The following SPAG16 variants were observed in gnomAD, a reference collection of about 807,000 sequenced individuals.
The protein encoded by SPAG16 is sperm associated antigen 16.
In SPAG16, 86 loss-of-function variants were observed where a neutral mutation model predicts 80.4. That is an observed-to-expected ratio of 1.07 (90% CI 0.90 to 1.28). The LOEUF (loss-of-function observed/expected upper bound fraction) is 1.28, where lower values mean the gene tolerates loss of function less well. SPAG16 is among the 50% of genes most tolerant of loss of function. SPAG16 has a pLI of 0.00. For missense variants in SPAG16, 870 were observed against 765.3 expected, an observed-to-expected ratio of 1.14 and a Z score of -1.61; for synonymous variants, 294 against 265.9, an observed-to-expected ratio of 1.11 and a Z score of -1.03.
At chr2:213,726,837 C>T (rs930364532) in intron 10 of SPAG16, among the ~76,000 whole-genome samples, 1 of 152,176 alleles carries the variant, frequency 6.6e-6, no homozygotes, top group South Asian at 2.1e-4. Context: ...ATGTCAAAGA[C>T]AAATGTCAGA....
rs866755439 is a variant in SPAG16, at chr2:214,258,471, G to A, written c.1720+109205G>A. Among the ~76,000 whole-genome samples the A allele has an allele frequency of 3.1e-3, 442 of 141,432 alleles. 1 individual carries two copies. The highest frequency in any genetic ancestry group is 5.1e-3 in the Non-Finnish European group (335 of 65,596). 92.8% of individuals were successfully genotyped at this position (141,432 alleles called of 152,430 possible). A position where few individuals can be genotyped will look rare whatever the true frequency, so the allele number is the denominator to read the frequency against. On this transcript the variant is annotated intron_variant, in intron 15 of 15. Transcript: ENST00000331683. Reference sequence around the variant, plus strand: ...ACAGTGTGTGTATGTATGTGTGTGTGTATATATATATATATATATACACAC... The same window carrying A: ...ACAGTGTGTGTATGTATGTGTGTGTATATATATATATATATATATACACAC...
intron 5 of SPAG16, among the ~76,000 whole-genome samples, chr2:213,336,368 G>A (rs2064358743): frequency 1.4e-5 from 2 of 147,762 alleles, no homozygotes; most frequent in South Asian, 4.7e-4. Context: ...CTGTGGGAAG[G>A]GGGCTGAAGC....
At chr2:213,722,642 G>A (rs1414882788) in intron 10 of SPAG16, among the ~76,000 whole-genome samples, 1 of 152,138 alleles carries the variant, frequency 6.6e-6, no homozygotes, top group African/African-American at 2.4e-5. Flanking sequence ...CATGAGATCA[G>A]GATTATGATG....
chr2:213,686,831 G>A (rs1023345698), intron 10 of SPAG16, among the ~76,000 whole-genome samples: 5 of 151,626 alleles, frequency 3.3e-5, no homozygotes, highest in South Asian at 2.1e-4. Flanking sequence ...CAACAGGCGC[G>A]TGCCACCACA....
intron 15 of SPAG16, among the ~76,000 whole-genome samples, chr2:214,398,164 G>C (rs1701504000): frequency 6.6e-6 from 1 of 152,148 alleles, no homozygotes; most frequent in Non-Finnish European, 1.5e-5. Context: ...TACACTGCTG[G>C]AATCAGAATA....
intron 15 of SPAG16, among the ~76,000 whole-genome samples, chr2:214,319,767 A>G (rs73084988): frequency 0.02 from 3,122 of 152,306 alleles, 106 homozygotes; most frequent in African/African-American, 0.071. Context: ...GGAACACAAT[A>G]TATGCTCATT....
At chr2:213,355,102 A>G (rs893636496) in intron 7 of SPAG16, among the ~76,000 whole-genome samples, 4 of 152,160 alleles carry the variant, frequency 2.6e-5, no homozygotes, top group African/African-American at 9.7e-5. Context: ...TTTTCCCAGC[A>G]CCATTTATCA....
intron 5 of SPAG16, among the ~76,000 whole-genome samples, chr2:213,319,713 C>T (rs1190824231): frequency 6.6e-6 from 1 of 151,928 alleles, no homozygotes; most frequent in Non-Finnish European, 1.5e-5. Flanking sequence ...TCAAAGCAGC[C>T]TCTTTATGCC....
intron 10 of SPAG16, among the ~76,000 whole-genome samples, chr2:213,678,493 C>G (rs1187080308): frequency 1.3e-5 from 2 of 152,212 alleles, no homozygotes; most frequent in Non-Finnish European, 2.9e-5. Context: ...ACAAACACCT[C>G]TACACAAATA....
chr2:214,021,532 T>C (rs1467371541), intron 13 of SPAG16, among the ~76,000 whole-genome samples: 1 of 152,148 alleles, frequency 6.6e-6, no homozygotes, highest in Admixed American at 6.6e-5. Context: ...GCCCCCATAA[T>C]TCAATCACCT....
At chr2:213,771,652 G>A (rs772304771) in intron 10 of SPAG16, among the ~76,000 whole-genome samples, 1 of 152,102 alleles carries the variant, frequency 6.6e-6, no homozygotes, top group African/African-American at 2.4e-5. Flanking sequence ...AAGGGGTCCA[G>A]TTTCAATTTT....
At position 213,298,886 on chromosome 2, in the gene SPAG16, A is replaced by C. The variant is rs141445886; in HGVS notation, c.279+1529A>C. On this transcript the variant is annotated intron_variant, in intron 3 of 15. Transcript: ENST00000331683. ...TTTGGAGGAACAGTATTATGCTGAA[A>C]ATTCACAGAAGTTGTCCTTAAGCTG... Among the ~76,000 whole-genome samples the C allele has an allele frequency of 2.3e-3, 349 of 152,312 alleles. 5 individuals carry two copies. The South Asian group carries it at 0.034, about 15-fold the overall frequency.
chr2:213,614,171 A>G (rs1461858111), intron 10 of SPAG16, among the ~76,000 whole-genome samples: 1 of 152,208 alleles, frequency 6.6e-6, no homozygotes, highest in Non-Finnish European at 1.5e-5. Context: ...TTCTGGAATT[A>G]TATGAAACTA....
intron 10 of SPAG16, among the ~76,000 whole-genome samples, chr2:213,650,369 A>T (rs2062976751): frequency 6.6e-6 from 1 of 152,186 alleles, no homozygotes; most frequent in Admixed American, 6.5e-5. Context: ...CTGCCTTATA[A>T]CTGAACATAG....
intron 10 of SPAG16, among the ~76,000 whole-genome samples, chr2:213,615,343 A>G (rs994486870): frequency 9.2e-5 from 14 of 152,268 alleles, no homozygotes; most frequent in Non-Finnish European, 1.6e-4. Context: ...CTGTAATCCC[A>G]GCACTGGGAG....
intron 9 of SPAG16, among the ~76,000 whole-genome samples, chr2:213,457,827 TATTGGGATAA>T (rs759024026): frequency 1.3e-5 from 2 of 152,160 alleles, no homozygotes; most frequent in Non-Finnish European, 2.9e-5. Flanking sequence ...TTAGATGACA[TATTGGGATAA>T]ATTTTACTAC....
chr2:214,331,832 T>C (rs74453237), intron 15 of SPAG16, among the ~76,000 whole-genome samples: 2,567 of 152,338 alleles, frequency 0.017, 43 homozygotes, highest in Non-Finnish European at 0.025. Flanking sequence ...ATAAACACTC[T>C]GTAAGCCTTC....
At chr2:213,911,913 C>T (rs975265515) in intron 11 of SPAG16, among the ~76,000 whole-genome samples, 3 of 151,000 alleles carry the variant, frequency 2.0e-5, no homozygotes, top group African/African-American at 7.3e-5. Context: ...AAGAGGTATC[C>T]ATGAAGAGAT....
At chr2:214,119,634 C>A (rs1360705183) in intron 14 of SPAG16, among the ~76,000 whole-genome samples, 1 of 151,930 alleles carries the variant, frequency 6.6e-6, no homozygotes, top group Middle Eastern at 3.2e-3. Flanking sequence ...GCATTCTAGT[C>A]TCATCTTGAA....
Sources: allele counts gnomAD v4.1 joint callset (sites outside exome capture counted in the v4.1 genomes callset), GRCh38; gene constraint gnomAD v4.1.1; transcripts MANE v1.5; gene names NCBI Gene and HGNC (gene_info 2026-07-23, HGNC 2026-07-21).